ERN1: variants seen among roughly 807,000 people sequenced by gnomAD.
ERN1 encodes serine/threonine-protein kinase/endoribonuclease IRE1.
Under a neutral mutation model 113.1 loss-of-function variants are expected in ERN1, and 39 were observed. The observed-to-expected ratio is 0.34, with a 90% CI of 0.27 to 0.45. The LOEUF is 0.45. Ranked by LOEUF, ERN1 falls within the 20% of genes least tolerant of loss-of-function variation. ERN1 has a pLI of 1.00. For missense variants in ERN1, 976 were observed against 1,274.8 expected, an observed-to-expected ratio of 0.77 and a Z score of 3.57; for synonymous variants, 507 against 515.9, an observed-to-expected ratio of 0.98 and a Z score of 0.23.
chr17:64,100,558 G>A (rs1328126721), intron 1 of ERN1, among the ~76,000 whole-genome samples: 1 of 152,088 alleles, frequency 6.6e-6, no homozygotes, highest in African/African-American at 2.4e-5. Context: ...ATCACTTGAG[G>A]TCAGGAGTTC....
At chr17:64,098,705 C>A in intron 1 of ERN1, 1 of 393,304 alleles carries the variant, frequency 2.5e-6, no homozygotes, top group Non-Finnish European at 4.9e-6. Flanking sequence ...GGAAAAACAG[C>A]TTTCATTATA....
At chr17:64,127,646 C>T (rs538729436) in intron 1 of ERN1, among the ~76,000 whole-genome samples, 46 of 151,338 alleles carry the variant, frequency 3.0e-4, no homozygotes, top group Non-Finnish European at 5.2e-4. Context: ...CCCAGCTACT[C>T]GGGAGGCTGA....
intron 1 of ERN1, 26 bp from the exon 2 acceptor site, chr17:64,098,267 A>G (rs745336806): frequency 6.2e-7 from 1 of 1,613,688 alleles, no homozygotes; most frequent in South Asian, 1.1e-5. Context: ...GAAGACTCTT[A>G]ATGTTGATAT....
chr17:64,105,038 C>G (rs1028871853), intron 1 of ERN1, among the ~76,000 whole-genome samples: 1 of 152,042 alleles, frequency 6.6e-6, no homozygotes, highest in East Asian at 1.9e-4. Context: ...AGAAAACCTA[C>G]GATTGTGAAC....
At chr17:64,077,242 A>G (rs897620346) in intron 4 of ERN1, among the ~76,000 whole-genome samples, 1 of 152,240 alleles carries the variant, frequency 6.6e-6, no homozygotes, top group Non-Finnish European at 1.5e-5. Flanking sequence ...AGCCTAGATC[A>G]GTGGTTCTCA....
intron 4 of ERN1, among the ~76,000 whole-genome samples, chr17:64,078,974 C>A (rs1383933789): frequency 6.6e-6 from 1 of 152,174 alleles, no homozygotes; most frequent in Non-Finnish European, 1.5e-5. Flanking sequence ...CCACTGCATT[C>A]CAACCTGGGT....
chr17:64,052,938 G>A lies in ERN1; in HGVS notation c.2095C>T (p.Pro699Ser). The A allele has an allele frequency of 6.2e-7, 1 of 1,613,580 alleles. No homozygotes were observed. The highest frequency in any genetic ancestry group is 8.5e-7 in the Non-Finnish European group (1 of 1,179,726). ...LKPHNILISM[P>S]NAHGKIKAMI... ...GCCTTGATCTTGCCGTGTGCATTGG[G>A]CATGGATATGAGGATGTTGTGTGGC... is the stretch of plus-strand genomic sequence containing the variant. Residue 699 changes from proline (P) to serine (S), a missense_variant, in exon 17 of 22, where the codon CCC (proline) becomes TCC (serine). This residue lies in a region of ERN1 where 297 missense variants were observed against 457.8 expected (regional missense o/e 0.65). Transcript: ENST00000433197.
At chr17:64,094,684 A>G (rs1457561530) in intron 2 of ERN1, among the ~76,000 whole-genome samples, 6 of 150,078 alleles carry the variant, frequency 4.0e-5, no homozygotes, top group Non-Finnish European at 5.9e-5. Context: ...GGCTGTCTAC[A>G]AGACTCCCTT....
chr17:64,085,733 G>C (rs1367490005), intron 2 of ERN1, among the ~76,000 whole-genome samples: 1 of 152,146 alleles, frequency 6.6e-6, no homozygotes, highest in African/African-American at 2.4e-5. Context: ...TCTGAGCACA[G>C]CTGTAGAAAA....
At chr17:64,098,759 T>A (rs1914302008) in intron 1 of ERN1, among the ~76,000 whole-genome samples, 1 of 152,116 alleles carries the variant, frequency 6.6e-6, no homozygotes, top group African/African-American at 2.4e-5. Context: ...AGTAAAGATA[T>A]GTTATAAAAG....
In ERN1 at chr17:64,044,166, C is replaced by A. The variant is rs199650082; in HGVS notation, c.2756G>T (p.Arg919Leu). The change falls in exon 22 of 22, where the codon CGG becomes CTG. Residue 919 changes from arginine (R) to leucine (L), a missense_variant. Arg to Leu is a moderately radical substitution (Grantham distance 102). This residue lies in a region of ERN1 where 92 missense variants were observed against 87.3 expected (regional missense o/e 1.05). Coordinates refer to ENST00000433197, the MANE Select transcript of ERN1 (RefSeq NM_001433.5). The surrounding 1 kb of genome is among the most constrained non-coding windows in gnomAD (Gnocchi z 4.1). ...HHYRELPAEV[R>L]ETLGSLPDDF... ...GTCGGGGAGGGACCCCAGCGTCTCC[C>A]GCACCTCTGCAGGCAGCTCCCGGTA... is the stretch of plus-strand genomic sequence containing the variant. The A allele has an allele frequency of 6.3e-7, 1 of 1,583,776 alleles. No individual in the cohort carries two copies. Among genetic ancestry groups the A allele is most frequent in the Non-Finnish European group, 8.6e-7 (1 of 1,161,220 alleles).
At chr17:64,102,185 C>G (rs1003416310) in intron 1 of ERN1, among the ~76,000 whole-genome samples, 4 of 152,118 alleles carry the variant, frequency 2.6e-5, no homozygotes, top group Non-Finnish European at 5.9e-5. Flanking sequence ...ACTTGGGAGG[C>G]TGAAGCAGGA....
At chr17:64,045,229 A>G (rs766160789) in intron 20 of ERN1, 130 bp downstream of exon 20, 93 of 1,064,158 alleles carry the variant, frequency 8.7e-5, no homozygotes, top group Non-Finnish European at 1.2e-4. Context: ...GACACACCCA[A>G]GAAAGTCTCA....
intron 2 of ERN1, among the ~76,000 whole-genome samples, chr17:64,093,676 C>CATGGATA: frequency 6.6e-6 from 1 of 152,192 alleles, no homozygotes. Context: ...CTAAGGGCCC[C>CATGGATA]ATCTTCATGA....
chr17:64,126,518 G>A (rs2143515349), intron 1 of ERN1, among the ~76,000 whole-genome samples: 1 of 152,016 alleles, frequency 6.6e-6, no homozygotes, highest in South Asian at 2.1e-4. Context: ...GGAAATATGG[G>A]CTATTGTTGA....
At chr17:64,112,225 G>A (rs977345141) in intron 1 of ERN1, among the ~76,000 whole-genome samples, 6 of 151,896 alleles carry the variant, frequency 4.0e-5, no homozygotes, top group Non-Finnish European at 5.9e-5. Context: ...AAAATTAGCC[G>A]GACACGGTGG....
intron 1 of ERN1, among the ~76,000 whole-genome samples, chr17:64,099,480 C>A (rs909500268): frequency 1.1e-4 from 16 of 151,934 alleles, no homozygotes; most frequent in Middle Eastern, 3.4e-3. Flanking sequence ...ATTTTCTCTT[C>A]TTTTGTCACA....
chr17:64,046,887 G>A (rs1348753882), intron 19 of ERN1, among the ~76,000 whole-genome samples: 1 of 152,234 alleles, frequency 6.6e-6, no homozygotes, highest in Non-Finnish European at 1.5e-5. Flanking sequence ...ATACATGGAA[G>A]ACTTTGAAAA....
At chr17:64,060,120 C>A (rs1401836444) in intron 11 of ERN1, among the ~76,000 whole-genome samples, 1 of 152,094 alleles carries the variant, frequency 6.6e-6, no homozygotes, top group Non-Finnish European at 1.5e-5. Flanking sequence ...CCTTTCTCCC[C>A]ACAGCCTGTG....
Sources: allele counts gnomAD v4.1 joint callset (sites outside exome capture counted in the v4.1 genomes callset), GRCh38; gene constraint gnomAD v4.1.1; regional missense constraint gnomAD v4.1.1; non-coding constraint Gnocchi (gnomAD v3.1); transcripts MANE v1.5; gene names NCBI Gene and HGNC (gene_info 2026-07-23, HGNC 2026-07-21).